Variants in EML1 observed in about 807,000 individuals in gnomAD.
The protein encoded by EML1 is echinoderm microtubule-associated protein-like 1.
EML1 carries 27 observed loss-of-function variants against 110.4 expected under a neutral mutation model. The observed-to-expected ratio is 0.24, with a 90% CI of 0.18 to 0.34. The LOEUF is 0.34. EML1 is among the 10% of genes least tolerant of loss of function. The pLI is 1.00. For missense variants in EML1, 741 were observed against 1,030.9 expected (o/e 0.72, Z 3.85); for synonymous variants, 344 against 385.8 (o/e 0.89, Z 1.27).
chr14:99,786,964 G>A (rs1248010201), intron 1 of EML1, among the ~76,000 whole-genome samples: 1 of 152,186 alleles, frequency 6.6e-6, no homozygotes, highest in Non-Finnish European at 1.5e-5. Flanking sequence ...TAGGATTGGT[G>A]AAGAATGCTT....
intron 1 of EML1, among the ~76,000 whole-genome samples, chr14:99,751,233 T>A (rs1222984127): frequency 6.6e-6 from 1 of 151,842 alleles, no homozygotes. Context: ...GAGCCCCGTG[T>A]GCCATGTACT....
intron 16 of EML1, 49 bp from the exon 17 acceptor site, chr14:99,920,740 C>A (rs750165311): frequency 2.1e-6 from 3 of 1,456,246 alleles, no homozygotes; most frequent in East Asian, 2.3e-5. Context: ...ATATAATCTT[C>A]ATTTTCTTAT....
chr14:99,775,884 T>C (rs939887982), intron 1 of EML1, among the ~76,000 whole-genome samples: 9 of 152,234 alleles, frequency 5.9e-5, no homozygotes, highest in Admixed American at 3.3e-4. Flanking sequence ...TGTAGATTCA[T>C]CCAGGACCCA....
chr14:99,817,165 G>A (rs1159313933), intron 1 of EML1, among the ~76,000 whole-genome samples: 1 of 152,116 alleles, frequency 6.6e-6, no homozygotes, highest in Non-Finnish European at 1.5e-5. Flanking sequence ...GGAGTGACGG[G>A]CTTACTACAT....
At chr14:99,748,942 G>A (rs575860133) in intron 1 of EML1, among the ~76,000 whole-genome samples, 10 of 152,268 alleles carry the variant, frequency 6.6e-5, no homozygotes, top group African/African-American at 9.6e-5. Flanking sequence ...GGATTCTCTC[G>A]CTTAGGAAAC....
chr14:99,939,689 G>A lies in EML1; in HGVS notation c.2323-298G>A, dbSNP rs1018540602. On this transcript the variant is annotated intron_variant, in intron 21 of 21. Transcript: ENST00000262233. The surrounding 1 kb of genome is among the most constrained non-coding windows in gnomAD (Gnocchi z 4.2). The stretch of plus-strand genomic sequence containing the variant: ...CTGGAGACCCCTCACCCTCAGCCCC[G>A]GGCATCTGGTTAGGCCCACCTTTGG... Among the ~76,000 whole-genome samples the A allele has an allele frequency of 1.8e-4, 28 of 152,044 alleles. No individual in the cohort carries two copies. The highest frequency in any genetic ancestry group is 5.2e-4 in the Admixed American group (8 of 15,248).
At chr14:99,897,683 A>G (rs538402213) in intron 7 of EML1, among the ~76,000 whole-genome samples, 2 of 152,232 alleles carry the variant, frequency 1.3e-5, no homozygotes, top group South Asian at 2.1e-4. Context: ...TTAACACATC[A>G]TGTATTAAAG....
intron 1 of EML1, among the ~76,000 whole-genome samples, chr14:99,842,507 C>G (rs1199483546): frequency 6.6e-6 from 1 of 152,162 alleles, no homozygotes; most frequent in African/African-American, 2.4e-5. Context: ...ATCTGAAAAG[C>G]ACTAGGATTA....
chr14:99,782,586 A>G (rs1239166919), intron 1 of EML1, among the ~76,000 whole-genome samples: 1 of 152,178 alleles, frequency 6.6e-6, no homozygotes, highest in African/African-American at 2.4e-5. Flanking sequence ...ACCGGTGACC[A>G]AGCCTGTGAG....
At chr14:99,891,312 G>A in intron 5 of EML1, 85 bp downstream of exon 5, 2 of 1,561,856 alleles carry the variant, frequency 1.3e-6, no homozygotes, top group Non-Finnish European at 8.8e-7. Flanking sequence ...CCAGCTTCAG[G>A]GGCCAGCCTT....
At chr14:99,876,405 C>T (rs1052342078) in intron 3 of EML1, among the ~76,000 whole-genome samples, 2 of 152,170 alleles carry the variant, frequency 1.3e-5, no homozygotes, top group African/African-American at 2.4e-5. Context: ...CCAGGGCTCA[C>T]CCCCTCCTCT....
At position 99,793,440 on chromosome 14, in the gene EML1, C is replaced by T. The variant is rs2057706690; in HGVS notation, c.-37C>T. On this transcript the variant is annotated 5_prime_UTR_variant, in exon 1 of 22. Transcript: ENST00000262233. ...TGTGTGGTGAGCGGCGGCGGCGCGG[C>T]CGGGCCGGGGAGCGGGCGCGGCCCG... 2 of 1,032,092 alleles carry T rather than the reference C, an allele frequency of 1.9e-6. No homozygotes were observed. Among genetic ancestry groups the T allele is most frequent in the Non-Finnish European group, 1.2e-6 (1 of 860,252 alleles). The allele number at this position is 1,032,092 out of a possible 1,614,324, so 63.9% of individuals were successfully genotyped here. A position where few individuals can be genotyped will look rare whatever the true frequency, so the allele number is the denominator to read the frequency against.
chr14:99,865,062 A>G (rs2059072275), intron 2 of EML1, among the ~76,000 whole-genome samples: 1 of 152,058 alleles, frequency 6.6e-6, no homozygotes, highest in Non-Finnish European at 1.5e-5. Context: ...CTTCTTTCTT[A>G]TTATTTATTG....
intron 1 of EML1, among the ~76,000 whole-genome samples, chr14:99,824,801 G>A (rs1352658228): frequency 1.3e-5 from 2 of 152,090 alleles, no homozygotes; most frequent in East Asian, 1.9e-4. Context: ...GGAGCCTCCA[G>A]TGTCTATTAT....
At chr14:99,882,665 A>G (rs1424490068) in intron 4 of EML1, among the ~76,000 whole-genome samples, 31 of 149,716 alleles carry the variant, frequency 2.1e-4, no homozygotes, top group African/African-American at 7.1e-4. Flanking sequence ...AAAAAAAAAA[A>G]AAAAAAAAAA....
chr14:99,793,815 G>T (rs908095120), intron 1 of EML1, among the ~76,000 whole-genome samples: 16 of 147,358 alleles, frequency 1.1e-4, no homozygotes, highest in Admixed American at 9.5e-4. Context: ...TCCAGCACCC[G>T]CGGAGCGCGC....
chr14:99,827,090 G>C lies in EML1; in HGVS notation c.68-23763G>C, dbSNP rs148296351. On this transcript the variant is annotated intron_variant, in intron 1 of 21. Transcript: ENST00000262233. The surrounding 1 kb of genome is among the most constrained non-coding windows in gnomAD (Gnocchi z 4.4). ...CAGTCACTGACTGTAAATACGCTGGGGGGTATTTACATGTAGAGGGGGATG... is the reference window on the plus strand; with the variant it reads ...CAGTCACTGACTGTAAATACGCTGGCGGGTATTTACATGTAGAGGGGGATG... Among the ~76,000 whole-genome samples the C allele has an allele frequency of 2.7e-3, 417 of 152,308 alleles. 2 individuals are homozygous for C. The highest frequency in any genetic ancestry group is 9.5e-3 in the African/African-American group (396 of 41,564).
intron 4 of EML1, among the ~76,000 whole-genome samples, chr14:99,879,855 G>A (rs114768229): frequency 1.3e-5 from 2 of 152,190 alleles, no homozygotes; most frequent in Non-Finnish European, 2.9e-5. Flanking sequence ...CTTGGAAGTT[G>A]ACCTGAAATG....
intron 17 of EML1, among the ~76,000 whole-genome samples, chr14:99,924,759 C>T (rs1028404006): frequency 1.3e-5 from 2 of 152,164 alleles, no homozygotes; most frequent in African/African-American, 2.4e-5. Flanking sequence ...AAGTTCCCTT[C>T]TATTTCTAAT....
Sources: gnomAD v4.1 joint callset for allele counts (sites outside exome capture counted in the v4.1 genomes callset) on GRCh38, gnomAD v4.1.1 for gene constraint, Gnocchi (gnomAD v3.1) non-coding constraint, MANE v1.5 for transcripts, NCBI Gene and HGNC (gene_info 2026-07-23, HGNC 2026-07-21) for gene names.